HIRA: variants seen among roughly 807,000 people sequenced by gnomAD.
HIRA encodes the protein histone cell cycle regulator.
Under a neutral mutation model 126.6 loss-of-function variants are expected in HIRA, and 13 were observed. The observed-to-expected ratio is 0.10, with a 90% CI of 0.07 to 0.16. HIRA has a LOEUF of 0.16. HIRA is among the 10% of genes least tolerant of loss of function. The probability of loss-of-function intolerance (pLI) is 1.00; values close to 1 mark genes in which losing one functional copy is unlikely to be tolerated. For synonymous variants in HIRA, 511 were observed against 520.0 expected, an observed-to-expected ratio of 0.98 and a Z score of 0.24; for missense variants, 834 against 1,314.4, an observed-to-expected ratio of 0.63 and a Z score of 5.65.
intron 18 of HIRA, among the ~76,000 whole-genome samples, chr22:19,358,922 G>A (rs2146195358): frequency 6.6e-6 from 1 of 152,280 alleles, no homozygotes; most frequent in South Asian, 2.1e-4. Flanking sequence ...CTGGGATGGG[G>A]ACTTCAGGGA....
At position 19,358,103 on chromosome 22, in the gene HIRA, G is replaced by A. The variant is rs563891353; in HGVS notation, c.2235-1052C>T. 4.6e-5 allele frequency among the ~76,000 whole-genome samples: 7 copies of A among 152,184 alleles called. No homozygotes were observed. The South Asian group carries it at 6.2e-4, about 14-fold the overall frequency. Reference sequence around the variant, plus strand: ...CAACCTCCGCCTCCCCAGTTCAAGCGATTCTCCTACCTTAGCCTCCCGAGT... The same window carrying A: ...CAACCTCCGCCTCCCCAGTTCAAGCAATTCTCCTACCTTAGCCTCCCGAGT... On this transcript the variant is annotated intron_variant, in intron 18 of 24. Coordinates refer to ENST00000263208, the MANE Select transcript of HIRA (RefSeq NM_003325.4).
intron 15 of HIRA, among the ~76,000 whole-genome samples, chr22:19,363,853 C>T (rs953145523): frequency 1.3e-5 from 2 of 151,836 alleles, no homozygotes; most frequent in African/African-American, 2.4e-5. Context: ...AGCCGAGATG[C>T]GACTGTGCCA....
chr22:19,422,443 T>A (rs9606011), intron 1 of HIRA, among the ~76,000 whole-genome samples: 54,671 of 151,498 alleles, frequency 0.36, 12,088 homozygotes, highest in Non-Finnish European at 0.49. Context: ...AGTCTCCACG[T>A]AGCAGTCAGA....
intron 9 of HIRA, among the ~76,000 whole-genome samples, chr22:19,389,012 T>C (rs1170222355): frequency 6.6e-6 from 1 of 152,156 alleles, no homozygotes; most frequent in Non-Finnish European, 1.5e-5. Flanking sequence ...GGTACACATT[T>C]ATCCAAGGCT....
At chr22:19,407,362 T>C in intron 3 of HIRA, 88 bp from the exon 4 acceptor site, 2 of 1,025,222 alleles carry the variant, frequency 2.0e-6, no homozygotes, top group South Asian at 2.6e-5. Context: ...AAAGGGTTTA[T>C]AAAATCTAAT....
intron 13 of HIRA, among the ~76,000 whole-genome samples, chr22:19,381,875 T>C (rs1368690911): frequency 6.6e-6 from 1 of 152,238 alleles, no homozygotes; most frequent in African/African-American, 2.4e-5. Flanking sequence ...GTTCCTGAAG[T>C]TTCCCTGTGA....
chr22:19,363,051 C>A (rs1475939884), intron 15 of HIRA, among the ~76,000 whole-genome samples: 1 of 150,618 alleles, frequency 6.6e-6, no homozygotes, highest in African/African-American at 2.4e-5. Context: ...CTGGCCAACA[C>A]GGTGAAACCC....
At chr22:19,419,088 A>G (rs537633749) in intron 1 of HIRA, among the ~76,000 whole-genome samples, 1 of 152,358 alleles carries the variant, frequency 6.6e-6, no homozygotes, top group East Asian at 1.9e-4. Flanking sequence ...TGCACACTCT[A>G]TAACAAGCAA....
At position 19,366,852 on chromosome 22, in the gene HIRA, C is replaced by T. The variant is rs530436457; in HGVS notation, c.1776-4921G>A. ...CTCAGCTCGCTGCAACCTCCGCCTC[C>T]TGGGCTCAAGGGATTCTCATACCTC... On this transcript the variant is annotated intron_variant, in intron 15 of 24. Transcript: ENST00000263208. Among the ~76,000 whole-genome samples the T allele has an allele frequency of 1.1e-4, 17 of 152,344 alleles. No individual in the cohort carries two copies. In the South Asian group the frequency reaches 2.9e-3, roughly 26 times the overall value.
intron 24 of HIRA, among the ~76,000 whole-genome samples, chr22:19,349,816 T>C (rs900249363): frequency 1.7e-4 from 26 of 152,252 alleles, no homozygotes; most frequent in African/African-American, 6.0e-4. Flanking sequence ...TCAACTCCTT[T>C]CACCCTTCTG....
intron 9 of HIRA, among the ~76,000 whole-genome samples, chr22:19,389,673 T>C (rs990936107): frequency 6.6e-6 from 1 of 151,970 alleles, no homozygotes; most frequent in Non-Finnish European, 1.5e-5. Context: ...CCCTCAGAAA[T>C]CTACAGGCCG....
intron 9 of HIRA, among the ~76,000 whole-genome samples, chr22:19,390,601 C>CAAA (rs575050947): frequency 0.069 from 2,657 of 38,300 alleles, 660 homozygotes; most frequent in African/African-American, 0.22. Context: ...GACTCTGTCT[C>CAAA]AAAAAAAAAA....
intron 24 of HIRA, among the ~76,000 whole-genome samples, chr22:19,332,138 T>TG (rs1388466452): frequency 2.0e-5 from 3 of 152,188 alleles, no homozygotes; most frequent in Admixed American, 6.5e-5. Flanking sequence ...CATTGCCAGT[T>TG]GGGGTCTCTG....
chr22:19,355,779 T>G lies in HIRA; in HGVS notation c.2542A>C (p.Asn848His). 1 of 1,613,290 alleles carries G rather than the reference T, an allele frequency of 6.2e-7. No homozygotes were observed. Among genetic ancestry groups the G allele is most frequent in the Non-Finnish European group, 8.5e-7 (1 of 1,179,284 alleles). The change falls in exon 21 of 25, where the codon AAT becomes CAT. Residue 848 changes from asparagine (N) to histidine (H), a missense_variant. Coordinates refer to ENST00000263208, the MANE Select transcript of HIRA (RefSeq NM_003325.4). ...NLSDGKAYCF[N>H]PSLSTWNLVS... Reference sequence around the variant, plus strand: ...GCTTACCATGTGGAAAGTGACGGATTAAAGCAGTACGCCTTCCCATCGGAC... The same window carrying G: ...GCTTACCATGTGGAAAGTGACGGATGAAAGCAGTACGCCTTCCCATCGGAC...
At position 19,377,973 on chromosome 22, in the gene HIRA, T is replaced by G. The variant is rs757004182; in HGVS notation, c.1509A>C (p.Pro503=). The G allele has an allele frequency of 4.3e-6, 7 of 1,613,822 alleles. No individual in the cohort carries two copies. ...LSSHSSPQLL[P]LDSSTPNSFG... Reference sequence around the variant, plus strand: ...AGGAGTTAGGGGTACTGGAGTCCAGTGGCAGTAGCTGTGGACTGCTATGAG... The same window carrying G: ...AGGAGTTAGGGGTACTGGAGTCCAGGGGCAGTAGCTGTGGACTGCTATGAG... The change falls in exon 14 of 25, where the codon CCA becomes CCC. Residue 503 remains proline, a synonymous_variant. Transcript: ENST00000263208.
chr22:19,391,838 T>C (rs1054569999), intron 9 of HIRA, among the ~76,000 whole-genome samples: 7 of 152,160 alleles, frequency 4.6e-5, no homozygotes, highest in Non-Finnish European at 8.8e-5. Flanking sequence ...CATTGACCAC[T>C]GAGGGTGCTG....
At chr22:19,390,299 G>T (rs1402538058) in intron 9 of HIRA, among the ~76,000 whole-genome samples, 2 of 152,070 alleles carry the variant, frequency 1.3e-5, no homozygotes, top group African/African-American at 4.8e-5. Flanking sequence ...CAATGAAACT[G>T]AAGACACATC....
At chr22:19,367,166 T>C (rs1471599521) in intron 15 of HIRA, among the ~76,000 whole-genome samples, 1 of 152,208 alleles carries the variant, frequency 6.6e-6, no homozygotes, top group Non-Finnish European at 1.5e-5. Context: ...ATACTAATCA[T>C]ACTTTAATAC....
At chr22:19,339,247 T>G (rs2088599971) in intron 24 of HIRA, among the ~76,000 whole-genome samples, 1 of 152,164 alleles carries the variant, frequency 6.6e-6, no homozygotes, top group South Asian at 2.1e-4. Context: ...AAAAGTTTTA[T>G]GAACTGAATA....
Sources: gnomAD v4.1 joint callset for allele counts (sites outside exome capture counted in the v4.1 genomes callset) on GRCh38, gnomAD v4.1.1 for gene constraint, MANE v1.5 for transcripts, NCBI Gene and HGNC (gene_info 2026-07-23, HGNC 2026-07-21) for gene names.